Variants in NDST4 observed in about 807,000 individuals in gnomAD.
NDST4 encodes N-heparan sulfate sulfotransferase 4.
In NDST4, 63 loss-of-function variants were observed where a neutral mutation model predicts 100.8. That is an observed-to-expected ratio of 0.62 (90% confidence interval 0.51 to 0.77). NDST4 has a LOEUF of 0.77. Among genes scored for constraint, NDST4 ranks in the 30% least tolerant of loss-of-function variants. NDST4 has a pLI of 0.00. For synonymous variants in NDST4, 377 were observed against 361.8 expected (o/e 1.04, Z -0.48); for missense variants, 943 against 1,018.4 (o/e 0.93, Z 1.01).
At chr4:114,977,140 T>C (rs1040236751) in intron 3 of NDST4, 47 bp downstream of exon 3, 4 of 1,175,284 alleles carry the variant, frequency 3.4e-6, no homozygotes, top group Non-Finnish European at 5.0e-6. Flanking sequence ...TCAAAATTTA[T>C]TTCCTATTTA....
chr4:115,081,771 C>T (rs561210), intron 1 of NDST4, among the ~76,000 whole-genome samples: 113,218 of 152,082 alleles, frequency 0.74, 43,310 homozygotes, highest in African/African-American at 0.92. Flanking sequence ...TGGGACAAGT[C>T]AGCAAGAAAC....
At chr4:114,936,416 A>G (rs1326676978) in intron 5 of NDST4, among the ~76,000 whole-genome samples, 1 of 152,178 alleles carries the variant, frequency 6.6e-6, no homozygotes, top group African/African-American at 2.4e-5. Context: ...TTACTCACAG[A>G]TGGCGATTAG....
chr4:114,974,255 A>G (rs1726581400), intron 3 of NDST4, among the ~76,000 whole-genome samples: 1 of 151,758 alleles, frequency 6.6e-6, no homozygotes, highest in Non-Finnish European at 1.5e-5. Context: ...CTTTTAACTA[A>G]TTCTCCACAC....
intron 2 of NDST4, among the ~76,000 whole-genome samples, chr4:114,979,754 GA>G (rs147057024): frequency 6.6e-6 from 1 of 151,604 alleles, no homozygotes; most frequent in Non-Finnish European, 1.5e-5. Flanking sequence ...TTTCATTGTT[GA>G]AAAAAAGAGC....
At chr4:115,064,968 G>A (rs1728914291) in intron 2 of NDST4, among the ~76,000 whole-genome samples, 1 of 151,998 alleles carries the variant, frequency 6.6e-6, no homozygotes, top group Admixed American at 6.6e-5. Flanking sequence ...TTAAAATTAT[G>A]AGACCATAAA....
At chr4:114,945,208 CAAAA>C (rs1173970826) in intron 4 of NDST4, among the ~76,000 whole-genome samples, 14 of 53,786 alleles carry the variant, frequency 2.6e-4, no homozygotes, top group Admixed American at 1.2e-3. Flanking sequence ...AACTCCGTCT[CAAAA>C]AAAAAAAAAA....
intron 2 of NDST4, among the ~76,000 whole-genome samples, chr4:115,006,290 A>C (rs749337804): frequency 6.6e-6 from 1 of 152,154 alleles, no homozygotes; most frequent in Middle Eastern, 3.4e-3. Context: ...TTCATCCTCA[A>C]AGTAATAGGG....
intron 6 of NDST4, among the ~76,000 whole-genome samples, chr4:114,898,271 T>C (rs766842866): frequency 6.6e-6 from 1 of 152,188 alleles, no homozygotes; most frequent in Non-Finnish European, 1.5e-5. Flanking sequence ...TATTTTTTTA[T>C]TTGATGTGCA....
Position 115,024,129 on chromosome 4 carries a change from G to T in NDST4, c.979-46855C>A, listed in dbSNP as rs115863349. On this transcript the variant is annotated intron_variant, in intron 2 of 13. Transcript: ENST00000264363. ...GGAGCCCAGGCAGACCTCCTCACAG[G>T]GGAAGAGCCACTTCACACAGCCCCC... 3.5e-3 allele frequency among the ~76,000 whole-genome samples: 539 copies of T among 152,206 alleles called. 6 individuals are homozygous for T. The highest frequency in any genetic ancestry group is 0.012 in the African/African-American group (499 of 41,544).
At chr4:115,087,719 T>G (rs968657820) in intron 1 of NDST4, among the ~76,000 whole-genome samples, 1 of 151,892 alleles carries the variant, frequency 6.6e-6, no homozygotes, top group African/African-American at 2.4e-5. Context: ...TATAATATCA[T>G]GATATGCTTT....
chr4:115,056,341 T>G (rs972022804), intron 2 of NDST4, among the ~76,000 whole-genome samples: 2 of 152,086 alleles, frequency 1.3e-5, no homozygotes, highest in African/African-American at 4.8e-5. Flanking sequence ...AGACCCTGTC[T>G]CAAAAACATT....
intron 2 of NDST4, among the ~76,000 whole-genome samples, chr4:115,031,386 A>G (rs1011312377): frequency 1.3e-5 from 2 of 152,012 alleles, no homozygotes; most frequent in Non-Finnish European, 2.9e-5. Flanking sequence ...CTTGAGTGGA[A>G]TTTTTGCAAG....
chr4:114,890,306 G>A (rs983195759), intron 6 of NDST4, among the ~76,000 whole-genome samples: 2 of 151,934 alleles, frequency 1.3e-5, no homozygotes, highest in African/African-American at 2.4e-5. Flanking sequence ...TAGTTATCAC[G>A]ATGACTATAA....
chr4:114,931,494 G>GA (rs1332280488), intron 6 of NDST4, among the ~76,000 whole-genome samples: 2 of 150,700 alleles, frequency 1.3e-5, no homozygotes, highest in East Asian at 1.9e-4. Flanking sequence ...GCAGAAAGAA[G>GA]AAAAAAATAA....
chr4:115,074,082 A>C (rs958783217), intron 2 of NDST4, among the ~76,000 whole-genome samples: 21 of 151,956 alleles, frequency 1.4e-4, no homozygotes. Context: ...ATATAATTCT[A>C]TCCATATGAA....
At chr4:114,986,150 T>G (rs556954722) in intron 2 of NDST4, among the ~76,000 whole-genome samples, 2 of 152,312 alleles carry the variant, frequency 1.3e-5, no homozygotes, top group Admixed American at 1.3e-4. Flanking sequence ...TAAAAATTGG[T>G]TTGACCTTAT....
chr4:115,013,062 G>T (rs1392574561), intron 2 of NDST4, among the ~76,000 whole-genome samples: 1 of 144,734 alleles, frequency 6.9e-6, no homozygotes, highest in Non-Finnish European at 1.5e-5. Flanking sequence ...TTAGGAGGGG[G>T]TACTGGGTGG....
chr4:115,058,018 T>G (rs1728739904), intron 2 of NDST4, among the ~76,000 whole-genome samples: 1 of 152,170 alleles, frequency 6.6e-6, no homozygotes, highest in Non-Finnish European at 1.5e-5. Flanking sequence ...AAAGGCCACT[T>G]GGAAGTCAAC....
intron 6 of NDST4, among the ~76,000 whole-genome samples, chr4:114,913,446 A>G (rs1456843805): frequency 6.6e-6 from 1 of 152,064 alleles, no homozygotes; most frequent in Non-Finnish European, 1.5e-5. Context: ...GATATGCGGA[A>G]ATACCTAGAC....
Sources: gnomAD v4.1 joint callset for allele counts (sites outside exome capture counted in the v4.1 genomes callset) on GRCh38, gnomAD v4.1.1 for gene constraint, MANE v1.5 for transcripts, NCBI Gene and HGNC (gene_info 2026-07-23, HGNC 2026-07-21) for gene names.